The following ZNF385B variants were observed in gnomAD, a reference collection of about 807,000 sequenced individuals.
ZNF385B encodes zinc finger protein 385B.
In ZNF385B, 23 loss-of-function variants were observed where a neutral mutation model predicts 39.2. The ratio of observed to expected loss-of-function variants is 0.59; its 90% CI spans 0.42 to 0.83. The LOEUF (loss-of-function observed/expected upper bound fraction) is 0.83. Among genes scored for constraint, ZNF385B ranks in the 40% least tolerant of loss-of-function variants. The pLI, the probability that ZNF385B is intolerant of heterozygous loss-of-function variation, is 0.00. For synonymous variants in ZNF385B, 205 were observed against 222.6 expected, an observed-to-expected ratio of 0.92 and a Z score of 0.70; for missense variants, 552 against 598.9, an observed-to-expected ratio of 0.92 and a Z score of 0.82.
intron 3 of ZNF385B, among the ~76,000 whole-genome samples, chr2:179,566,186 T>A (rs535169997): frequency 1.3e-5 from 2 of 152,226 alleles, no homozygotes; most frequent in Non-Finnish European, 2.9e-5. Flanking sequence ...GTACATGGAT[T>A]ATGAGAATTA....
At chr2:179,849,738 A>T (rs6709255) in intron 1 of ZNF385B, among the ~76,000 whole-genome samples, 142,237 of 152,310 alleles carry the variant, frequency 0.93, 66,857 homozygotes, top group East Asian at 1. Context: ...TAGACACTTG[A>T]ATAGTCATTA....
intron 3 of ZNF385B, among the ~76,000 whole-genome samples, chr2:179,735,619 C>G (rs1701696399): frequency 6.7e-6 from 1 of 148,290 alleles, no homozygotes; most frequent in African/African-American, 2.5e-5. Flanking sequence ...ATAGCAAAGA[C>G]TTGGAACCAG....
rs73041206 is a variant in ZNF385B at position 179,594,737 on chromosome 2, C to A, written c.299-49768G>T. 6.1e-3 allele frequency among the ~76,000 whole-genome samples: 924 copies of A among 151,492 alleles called. 6 individuals carry two copies. Among genetic ancestry groups the A allele is most frequent in the African/African-American group, 0.021 (864 of 41,346 alleles). On this transcript the variant is annotated intron_variant, in intron 3 of 9. Coordinates refer to ENST00000410066, the MANE Select transcript of ZNF385B (RefSeq NM_152520.6). ...AGTAAGTAGGACTCTCCTCTCAGGA[C>A]AACAATATCTTATTCAAACCATGAT...
intron 3 of ZNF385B, among the ~76,000 whole-genome samples, chr2:179,729,092 C>A (rs1701206808): frequency 7.2e-6 from 1 of 138,634 alleles, no homozygotes; most frequent in African/African-American, 2.7e-5. Flanking sequence ...AAAGTCAAAA[C>A]TGTATTAAAG....
At chr2:179,629,247 G>A (rs905357343) in intron 3 of ZNF385B, among the ~76,000 whole-genome samples, 1 of 152,176 alleles carries the variant, frequency 6.6e-6, no homozygotes. Flanking sequence ...AACAGGCCGA[G>A]CCCTCACAGA....
chr2:179,733,553 C>T (rs1022102650), intron 3 of ZNF385B, among the ~76,000 whole-genome samples: 1 of 152,068 alleles, frequency 6.6e-6, no homozygotes, highest in Non-Finnish European at 1.5e-5. Flanking sequence ...GAGGCCGAGG[C>T]GGGCGGATCA....
chr2:179,745,525 G>A (rs770086886), intron 3 of ZNF385B, among the ~76,000 whole-genome samples: 12 of 152,166 alleles, frequency 7.9e-5, no homozygotes, highest in Non-Finnish European at 1.5e-4. Flanking sequence ...TCACACCCAT[G>A]TAAGGAGTTA....
chr2:179,717,536 C>T (rs1262846562), intron 3 of ZNF385B, among the ~76,000 whole-genome samples: 1 of 152,126 alleles, frequency 6.6e-6, no homozygotes, highest in Non-Finnish European at 1.5e-5. Context: ...AGTTTGAGAC[C>T]AGTCTGGGCA....
At chr2:179,766,400 T>C (rs570591430) in intron 3 of ZNF385B, among the ~76,000 whole-genome samples, 1 of 152,296 alleles carries the variant, frequency 6.6e-6, no homozygotes, top group African/African-American at 2.4e-5. Flanking sequence ...TCTGGGGCTG[T>C]TGTAACAAAG....
intron 5 of ZNF385B, among the ~76,000 whole-genome samples, chr2:179,503,860 C>CTT (rs796211492): frequency 2.7e-5 from 3 of 112,288 alleles, no homozygotes; most frequent in Admixed American, 8.8e-5. Flanking sequence ...GCCACATTTT[C>CTT]TTTTTTTTTT....
chr2:179,613,518 C>G (rs187545315), intron 3 of ZNF385B, among the ~76,000 whole-genome samples: 1 of 152,096 alleles, frequency 6.6e-6, no homozygotes, highest in South Asian at 2.1e-4. Context: ...GCAGTAGGTT[C>G]CCCTTCTGAA....
intron 1 of ZNF385B, among the ~76,000 whole-genome samples, chr2:179,824,375 C>A (rs567693366): frequency 1.3e-4 from 20 of 152,264 alleles, no homozygotes; most frequent in African/African-American, 3.8e-4. Flanking sequence ...GGGAGTCAGA[C>A]AACAAATGTT....
At chr2:179,835,585 C>T (rs988534083) in intron 1 of ZNF385B, among the ~76,000 whole-genome samples, 6 of 152,184 alleles carry the variant, frequency 3.9e-5, no homozygotes, top group African/African-American at 1.4e-4. Flanking sequence ...GCCATACCAA[C>T]CACTGCACTA....
chr2:179,445,740 A>G lies in ZNF385B; in HGVS notation c.962-12T>C, dbSNP rs769681888. 1 of 1,587,962 alleles carries G rather than the reference A, an allele frequency of 6.3e-7. No individual in the cohort carries two copies. Among genetic ancestry groups the G allele is most frequent in the Non-Finnish European group, 8.5e-7 (1 of 1,170,764 alleles). The stretch of plus-strand genomic sequence containing the variant: ...CTTGTGTTTAGATCCTAAGACAGAA[A>G]GAGACACATATTAAATAGCTATCCA... On this transcript the variant is annotated splice_polypyrimidine_tract_variant and intron_variant, in intron 7 of 9. Coordinates refer to ENST00000410066, the MANE Select transcript of ZNF385B (RefSeq NM_152520.6).
chr2:179,619,733 T>A (rs2106157948), intron 3 of ZNF385B, among the ~76,000 whole-genome samples: 1 of 152,362 alleles, frequency 6.6e-6, no homozygotes, highest in African/African-American at 2.4e-5. Flanking sequence ...AACAGATACC[T>A]GTCATTTCTA....
intron 4 of ZNF385B, among the ~76,000 whole-genome samples, chr2:179,543,502 T>C (rs1349091141): frequency 1.3e-5 from 2 of 152,142 alleles, no homozygotes; most frequent in African/African-American, 4.8e-5. Context: ...GTGTCACACA[T>C]GTTTGAATAG....
At chr2:179,573,043 T>C (rs1408408243) in intron 3 of ZNF385B, among the ~76,000 whole-genome samples, 1 of 152,234 alleles carries the variant, frequency 6.6e-6, no homozygotes, top group Non-Finnish European at 1.5e-5. Context: ...TTCAGATATT[T>C]CAAATCTTAT....
chr2:179,805,192 TG>T (rs1706275408), intron 1 of ZNF385B, among the ~76,000 whole-genome samples: 1 of 152,102 alleles, frequency 6.6e-6, no homozygotes, highest in South Asian at 2.1e-4. Flanking sequence ...AGAGGTTACA[TG>T]GGGGGAACCA....
chr2:179,788,011 G>T (rs1035388311), intron 1 of ZNF385B, among the ~76,000 whole-genome samples: 3 of 152,182 alleles, frequency 2.0e-5, no homozygotes, highest in Admixed American at 2.0e-4. Flanking sequence ...TGTATTAATT[G>T]TGTAGCAGAT....
Sources: gnomAD v4.1 joint callset for allele counts (sites outside exome capture counted in the v4.1 genomes callset) on GRCh38, gnomAD v4.1.1 for gene constraint, MANE v1.5 for transcripts, NCBI Gene and HGNC (gene_info 2026-07-23, HGNC 2026-07-21) for gene names.